Variants in MAP7 observed in about 807,000 individuals in gnomAD.
The protein encoded by MAP7 is ensconsin.
In MAP7, 52 loss-of-function variants were observed where a neutral mutation model predicts 94.8. The ratio of observed to expected loss-of-function variants is 0.55; its 90% CI spans 0.44 to 0.69. MAP7 has a LOEUF of 0.69. MAP7 is among the 30% of genes least tolerant of loss of function. MAP7 has a pLI of 0.00. For synonymous variants in MAP7, 350 were observed against 357.0 expected (o/e 0.98, Z 0.22); for missense variants, 940 against 964.6 (o/e 0.97, Z 0.34).
At chr6:136,403,497 G>A (rs775454878) in intron 3 of MAP7, among the ~76,000 whole-genome samples, 1 of 152,170 alleles carries the variant, frequency 6.6e-6, no homozygotes, top group Admixed American at 6.5e-5. Context: ...AGCAAACAAT[G>A]AGCCATTATG....
At chr6:136,456,767 G>GGAAGAAGAAGAAGAAGAAGAAGAAGAA (rs1554259489) in intron 1 of MAP7, among the ~76,000 whole-genome samples, 3 of 60,518 alleles carry the variant, frequency 5.0e-5, no homozygotes, top group Non-Finnish European at 9.2e-5. Context: ...AGGAGGAGGA[G>GGAAGAAGAAGAAGAAGAAGAAGAAGAA]GAAGAAGAAG....
chr6:136,366,272 A>G, intron 9 of MAP7, 55 bp downstream of exon 9: 1 of 1,340,132 alleles, frequency 7.5e-7, no homozygotes, highest in Non-Finnish European at 1.1e-6. Flanking sequence ...CAGAGGAGAG[A>G]GCTACTAATT....
chr6:136,543,565 G>A (rs1425974219), intron 1 of MAP7, among the ~76,000 whole-genome samples: 14 of 152,098 alleles, frequency 9.2e-5, no homozygotes, highest in Admixed American at 7.9e-4. Flanking sequence ...CAGGAGAATC[G>A]CTTGAACCCA....
At chr6:136,520,049 A>C (rs949670798) in intron 1 of MAP7, among the ~76,000 whole-genome samples, 14 of 152,042 alleles carry the variant, frequency 9.2e-5, no homozygotes, top group Admixed American at 8.5e-4. Flanking sequence ...ATTAAAAGAA[A>C]AAAAACAGCC....
chr6:136,538,020 G>A (rs1013191456), intron 1 of MAP7, among the ~76,000 whole-genome samples: 1 of 152,320 alleles, frequency 6.6e-6, no homozygotes, highest in Admixed American at 6.5e-5. Context: ...GACCTCGGGT[G>A]ATCAGCCGGC....
intron 1 of MAP7, among the ~76,000 whole-genome samples, chr6:136,516,128 C>A (rs530653117): frequency 2.2e-4 from 33 of 151,934 alleles, no homozygotes; most frequent in African/African-American, 7.7e-4. Flanking sequence ...GAATCTGAGA[C>A]TAGCTTGGTC....
chr6:136,393,244 T>C (rs975522039), intron 3 of MAP7, among the ~76,000 whole-genome samples: 1 of 152,188 alleles, frequency 6.6e-6, no homozygotes, highest in Admixed American at 6.5e-5. Context: ...CAAACCATGC[T>C]TCTCCCAGAT....
At chr6:136,388,250 C>T (rs368986081) in intron 5 of MAP7, 143 bp downstream of exon 5, 8 of 707,294 alleles carry the variant, frequency 1.1e-5, no homozygotes, top group South Asian at 5.5e-5. Context: ...CTCTTATCCT[C>T]AAATAGTGAA....
intron 1 of MAP7, chr6:136,526,275 G>GTGCA (rs1827846636): frequency 9.4e-7 from 1 of 1,063,616 alleles, no homozygotes; most frequent in South Asian, 2.9e-5. Flanking sequence ...GTACACGCGC[G>GTGCA]CGCACACACA....
intron 10 of MAP7, chr6:136,364,203 G>T: frequency 1.9e-6 from 1 of 529,396 alleles, no homozygotes; most frequent in Admixed American, 2.0e-5. Context: ...TGAGGTGACC[G>T]TCAAGGAGGA....
At chr6:136,531,107 C>T (rs1828446543) in intron 1 of MAP7, among the ~76,000 whole-genome samples, 1 of 145,010 alleles carries the variant, frequency 6.9e-6, no homozygotes, top group African/African-American at 2.9e-5. Flanking sequence ...CCTCTCAGCC[C>T]TCTTGTTCAT....
chr6:136,403,313 C>T lies in MAP7; in HGVS notation c.244+8307G>A, dbSNP rs376101041. On this transcript the variant is annotated intron_variant, in intron 3 of 17. Transcript: ENST00000354570. ...GTCGTCAGCTCTTGCTTCATGCTGA[C>T]GCAAGTGATTTATAGGCATTGTCTT... Among the ~76,000 whole-genome samples, 17 of 152,340 alleles carry T rather than the reference C, an allele frequency of 1.1e-4. No individual in the cohort carries two copies. The East Asian group carries it at 2.9e-3, about 26-fold the overall frequency.
At chr6:136,523,680 A>G (rs1827049414) in intron 1 of MAP7, among the ~76,000 whole-genome samples, 1 of 152,152 alleles carries the variant, frequency 6.6e-6, no homozygotes, top group South Asian at 2.1e-4. Flanking sequence ...CATCCTTATC[A>G]GCACAGGATT....
intron 8 of MAP7, among the ~76,000 whole-genome samples, chr6:136,370,594 C>A (rs891341978): frequency 1.6e-4 from 25 of 152,154 alleles, no homozygotes; most frequent in African/African-American, 5.6e-4. Flanking sequence ...GAAGGAAATT[C>A]TGACATATGC....
At chr6:136,418,953 A>G (rs575992773) in intron 2 of MAP7, among the ~76,000 whole-genome samples, 2 of 114,352 alleles carry the variant, frequency 1.7e-5, no homozygotes, top group African/African-American at 6.7e-5. Flanking sequence ...GCTTATCTGT[A>G]TATACAAGAA....
chr6:136,493,991 C>T (rs1422390135), intron 1 of MAP7, among the ~76,000 whole-genome samples: 1 of 152,148 alleles, frequency 6.6e-6, no homozygotes, highest in Non-Finnish European at 1.5e-5. Flanking sequence ...TAATTACAAC[C>T]TTTAGAGTTC....
At chr6:136,445,712 G>A (rs569993921) in intron 1 of MAP7, among the ~76,000 whole-genome samples, 3 of 152,266 alleles carry the variant, frequency 2.0e-5, no homozygotes, top group African/African-American at 7.2e-5. Context: ...TCAATAGCCA[G>A]CAAAAGCTCA....
intron 1 of MAP7, among the ~76,000 whole-genome samples, chr6:136,490,798 T>G (rs1217156709): frequency 6.6e-6 from 1 of 152,182 alleles, no homozygotes; most frequent in Non-Finnish European, 1.5e-5. Flanking sequence ...CTAAGGTATA[T>G]TCCCATCATC....
intron 1 of MAP7, among the ~76,000 whole-genome samples, chr6:136,450,049 C>T (rs1428860227): frequency 1.3e-5 from 2 of 152,072 alleles, no homozygotes; most frequent in African/African-American, 4.8e-5. Flanking sequence ...ATTAGCTGAG[C>T]ATGGAGGTGC....
Sources: gnomAD v4.1 joint callset for allele counts (sites outside exome capture counted in the v4.1 genomes callset) on GRCh38, gnomAD v4.1.1 for gene constraint, MANE v1.5 for transcripts, NCBI Gene and HGNC (gene_info 2026-07-23, HGNC 2026-07-21) for gene names.